The following AGAP6 variants were observed in gnomAD, a reference collection of about 807,000 sequenced individuals.
AGAP6 encodes arf-GAP with GTPase, ANK repeat and PH domain-containing protein 6.
AGAP6 carries 29 observed loss-of-function variants against 63.9 expected under a neutral mutation model. That is an observed-to-expected ratio of 0.45 (90% confidence interval 0.34 to 0.62). The LOEUF (loss-of-function observed/expected upper bound fraction) is 0.62. Among genes scored for constraint, AGAP6 ranks in the 20% least tolerant of loss-of-function variants. The probability of loss-of-function intolerance (pLI) is 0.01; values close to 1 mark genes in which losing one functional copy is unlikely to be tolerated. For missense variants in AGAP6, 493 were observed against 884.9 expected (o/e 0.56, Z 5.62); for synonymous variants, 199 against 332.9 (o/e 0.60, Z 4.38).
chr10:50,003,785 C>T (rs1841799547), intron 5 of AGAP6, among the ~76,000 whole-genome samples: 2 of 152,304 alleles, frequency 1.3e-5, no homozygotes, highest in South Asian at 4.1e-4. Flanking sequence ...GTTTTAAGGT[C>T]TGTTTCCCTG....
intron 2 of AGAP6, among the ~76,000 whole-genome samples, chr10:49,990,248 G>A (rs1454335152): frequency 6.6e-6 from 1 of 152,114 alleles, no homozygotes; most frequent in Admixed American, 6.5e-5. Flanking sequence ...AGACCAGCCT[G>A]GCCAACATGG....
rs782701537 is a variant in AGAP6 at position 50,009,595 on chromosome 10, C to T, written c.1470C>T (p.Ala490=). The T allele has an allele frequency of 1.9e-6, 3 of 1,613,960 alleles. No homozygotes were observed. Among genetic ancestry groups the T allele is most frequent in the Admixed American group, 3.3e-5 (2 of 60,004 alleles). ...VDCETQNPKW[A]SLNLGVLMCI... is the part of the protein sequence containing the mutation. Reference sequence around the variant, plus strand: ...GTGAGACCCAGAATCCTAAGTGGGCCAGTTTGAACTTGGGAGTCCTCATGT... The same window carrying T: ...GTGAGACCCAGAATCCTAAGTGGGCTAGTTTGAACTTGGGAGTCCTCATGT... Residue 490 remains alanine, a synonymous_variant, in exon 8 of 8, where the codon GCC becomes GCT. Coordinates refer to ENST00000412531, the MANE Select transcript of AGAP6 (RefSeq NM_001077665.3).
At chr10:49,994,505 C>A (rs1460112200) in intron 4 of AGAP6, 76 bp downstream of exon 4, 1 of 1,483,642 alleles carries the variant, frequency 6.7e-7, no homozygotes, top group Non-Finnish European at 9.1e-7. Flanking sequence ...CTTTAAATTA[C>A]AATGTGGACC....
chr10:50,005,403 A>C (rs1328998952), intron 6 of AGAP6, among the ~76,000 whole-genome samples: 4 of 151,996 alleles, frequency 2.6e-5, no homozygotes, highest in African/African-American at 9.7e-5. Flanking sequence ...CAAGGTCAGG[A>C]GATCGAGACC....
At position 49,988,905 on chromosome 10, in the gene AGAP6, A is replaced by T. The variant is rs1554860164; in HGVS notation, c.190A>T (p.Met64Leu). The change falls in exon 1 of 8, where the codon ATG becomes TTG. Residue 64 changes from methionine (M) to leucine (L), a missense_variant. By Grantham distance (15) the Met-to-Leu change is conservative. This residue lies in a region of AGAP6 where 342 missense variants were observed against 533.4 expected (regional missense o/e 0.64). Coordinates refer to ENST00000412531, the MANE Select transcript of AGAP6 (RefSeq NM_001077665.3). ...TGTTGAAGTTGGTGAGGACCTCCAC[A>T]TGCACCACGTTCGTGACCGGGAGAT... Reference protein sequence around the residue: ...VTVEVGEDLHMHHVRDREMPE... With the variant: ...VTVEVGEDLHLHHVRDREMPE... 1.0e-5 allele frequency: 16 copies of T among 1,599,520 alleles called. No individual in the cohort carries two copies. Among genetic ancestry groups the T allele is most frequent in the Non-Finnish European group, 1.4e-5 (16 of 1,179,014 alleles).
intron 4 of AGAP6, among the ~76,000 whole-genome samples, chr10:50,001,343 T>TAAA (rs1554862843): frequency 7.1e-6 from 1 of 140,398 alleles, no homozygotes; most frequent in East Asian, 2.0e-4. Flanking sequence ...AATAAATAAA[T>TAAA]TAATTAATTA....
intron 5 of AGAP6, among the ~76,000 whole-genome samples, chr10:50,003,489 G>A (rs868981476): frequency 7.9e-5 from 12 of 152,210 alleles, no homozygotes; most frequent in African/African-American, 2.9e-4. Context: ...TGGATGTGAG[G>A]CATCTTTCTG....
chr10:49,988,917 C>A lies in AGAP6; in HGVS notation c.202C>A (p.Arg68Ser), dbSNP rs1404626188. 5 of 1,598,916 alleles carry A rather than the reference C, an allele frequency of 3.1e-6. No individual in the cohort carries two copies. Among genetic ancestry groups the A allele is most frequent in the Admixed American group, 3.3e-5 (2 of 59,884 alleles). Residue 68 changes from arginine to serine, a missense_variant, in exon 1 of 8, where the codon CGT becomes AGT. By Grantham distance (110) the Arg-to-Ser change is moderately radical. Around this residue, in one of 7 missense-constraint regions of AGAP6, gnomAD observed 342 missense variants for 533.4 expected, o/e 0.64. Coordinates refer to ENST00000412531, the MANE Select transcript of AGAP6 (RefSeq NM_001077665.3). ...TGAGGACCTCCACATGCACCACGTT[C>A]GTGACCGGGAGATGCCTGAAGGTGA... ...VGEDLHMHHV[R>S]DREMPEALEF...
chr10:49,995,115 ATGTTTCTCCCTG>A (rs1419559278), intron 4 of AGAP6, among the ~76,000 whole-genome samples: 1 of 152,104 alleles, frequency 6.6e-6, no homozygotes, highest in Non-Finnish European at 1.5e-5. Context: ...CCATGATCTT[ATGTTTCTCCCTG>A]TGTTTCTTCC....
intron 6 of AGAP6, among the ~76,000 whole-genome samples, chr10:50,007,179 G>GT (rs1428909780): frequency 1.3e-5 from 2 of 151,898 alleles, no homozygotes; most frequent in African/African-American, 4.8e-5. Context: ...ATTACCTGAG[G>GT]TTAGGAGTTC....
intron 2 of AGAP6, among the ~76,000 whole-genome samples, chr10:49,991,419 G>T (rs1841274533): frequency 1.5e-5 from 2 of 135,626 alleles, no homozygotes; most frequent in South Asian, 2.4e-4. Flanking sequence ...AAAGGAGGGT[G>T]TCATTGTGTT....
chr10:49,989,303 T>C lies in AGAP6; in HGVS notation c.224-5T>C. ...CCTTTTTCTTTTCTCCCTCTATACA[T>C]ATAGCTTTGGAGTTTAACCTTTCTG... On this transcript the variant is annotated splice_polypyrimidine_tract_variant and splice_region_variant and intron_variant, in intron 1 of 7. Coordinates refer to ENST00000412531, the MANE Select transcript of AGAP6 (RefSeq NM_001077665.3). The C allele has an allele frequency of 1.3e-6, 2 of 1,597,442 alleles. No individual in the cohort carries two copies. Among genetic ancestry groups the C allele is most frequent in the Non-Finnish European group, 1.7e-6 (2 of 1,179,732 alleles).
chr10:49,996,424 T>C (rs375978670), intron 4 of AGAP6, among the ~76,000 whole-genome samples: 2 of 152,096 alleles, frequency 1.3e-5, no homozygotes, highest in East Asian at 1.9e-4. Flanking sequence ...TGACTAGCTT[T>C]TCATTTGGGA....
chr10:50,007,719 G>C (rs1465055799), intron 6 of AGAP6, among the ~76,000 whole-genome samples: 2 of 151,258 alleles, frequency 1.3e-5, no homozygotes, highest in Non-Finnish European at 2.9e-5. Flanking sequence ...GAACATTCTT[G>C]TGTTTCAATG....
At chr10:49,992,542 A>G (rs1841322184) in intron 3 of AGAP6, among the ~76,000 whole-genome samples, 1 of 152,192 alleles carries the variant, frequency 6.6e-6, no homozygotes, top group Non-Finnish European at 1.5e-5. Context: ...ATTTGTCTTC[A>G]TTTTTTACAT....
chr10:49,995,500 T>C (rs1206183579), intron 4 of AGAP6, among the ~76,000 whole-genome samples: 3 of 152,254 alleles, frequency 2.0e-5, no homozygotes, highest in Admixed American at 1.3e-4. Context: ...TTCAAAGATA[T>C]TTTCCATCTG....
chr10:49,993,776 C>A (rs187577968), intron 3 of AGAP6, among the ~76,000 whole-genome samples: 1 of 150,440 alleles, frequency 6.6e-6, no homozygotes, highest in African/African-American at 2.5e-5. Flanking sequence ...GCTGAGATCC[C>A]GCCACTGCAC....
chr10:49,991,787 C>G, intron 3 of AGAP6, 43 bp downstream of exon 3: 1 of 1,597,274 alleles, frequency 6.3e-7, no homozygotes. Context: ...AGAATAAAAG[C>G]TCTTGTTTGA....
chr10:49,992,654 C>T lies in AGAP6; in HGVS notation c.361+910C>T, dbSNP rs1372906181. Among the ~76,000 whole-genome samples, 5 of 152,242 alleles carry T rather than the reference C, an allele frequency of 3.3e-5. 1 individual carries two copies. Among genetic ancestry groups the T allele is most frequent in the African/African-American group, 1.2e-4 (5 of 41,524 alleles). The stretch of plus-strand genomic sequence containing the variant: ...ACAAACATGGCTTTAACATCTGCTT[C>T]TGGTGAGGGCCTCAGCAAACTTATA... On this transcript the variant is annotated intron_variant, in intron 3 of 7. Transcript: ENST00000412531.
Sources: allele counts gnomAD v4.1 joint callset (sites outside exome capture counted in the v4.1 genomes callset), GRCh38; gene constraint gnomAD v4.1.1; regional missense constraint gnomAD v4.1.1; transcripts MANE v1.5; gene names NCBI Gene and HGNC (gene_info 2026-07-23, HGNC 2026-07-21).